The following ST6GALNAC1 variants were observed in gnomAD, a reference collection of about 807,000 sequenced individuals.
The protein encoded by ST6GALNAC1 is ST6 N-acetylgalactosaminide alpha-2,6-sialyltransferase 1.
A neutral mutation model predicts 56.8 loss-of-function variants in ST6GALNAC1; 45 were observed. The ratio of observed to expected loss-of-function variants is 0.79; its 90% CI spans 0.62 to 1.02. The LOEUF (loss-of-function observed/expected upper bound fraction) is 1.02. Ranked by LOEUF, ST6GALNAC1 falls within the 50% of genes least tolerant of loss-of-function variation. The pLI is 0.00. For synonymous variants in ST6GALNAC1, 295 were observed against 297.8 expected, an observed-to-expected ratio of 0.99 and a Z score of 0.10; for missense variants, 743 against 754.8, an observed-to-expected ratio of 0.98 and a Z score of 0.18.
the ST6GALNAC1 span, among the ~76,000 whole-genome samples, chr17:76,618,152 G>A: frequency 6.6e-6 from 1 of 152,194 alleles, no homozygotes; most frequent in Admixed American, 6.5e-5. Context: ...GTTCACAGAT[G>A]AAAAGCAGGT....
intron 1 of ST6GALNAC1, among the ~76,000 whole-genome samples, chr17:76,632,235 T>C (rs1478029632): frequency 6.6e-6 from 1 of 152,168 alleles, no homozygotes; most frequent in Non-Finnish European, 1.5e-5. Context: ...CAGAGAGGAA[T>C]TCTGCTGAAT....
At chr17:76,626,517 T>TCCTG in intron 5 of ST6GALNAC1, 125 bp from the exon 6 acceptor site, 2 of 1,507,986 alleles carry the variant, frequency 1.3e-6, no homozygotes, top group Non-Finnish European at 1.8e-6. Context: ...TCCTCCCCAC[T>TCCTG]CCTGCCCTTA....
At chr17:76,621,593 A>G (rs1056958310), downstream of ST6GALNAC1, among the ~76,000 whole-genome samples, 1 of 152,074 alleles carries the variant, frequency 6.6e-6, no homozygotes, top group African/African-American at 2.4e-5. Context: ...CTCCTGCCTC[A>G]GCCTCCCAAG....
At chr17:76,628,268 C>CTTCCTCCCTCCT in intron 2 of ST6GALNAC1, among the ~76,000 whole-genome samples, 1 of 37,528 alleles carries the variant, frequency 2.7e-5, no homozygotes, top group Admixed American at 3.6e-4. Context: ...CCCTCCCTCC[C>CTTCCTCCCTCCT]TCCTTCCTTC....
downstream of ST6GALNAC1, among the ~76,000 whole-genome samples, chr17:76,622,867 C>T (rs1331018958): frequency 1.3e-5 from 2 of 151,168 alleles, no homozygotes; most frequent in African/African-American, 4.9e-5. Flanking sequence ...GATCTCTGCT[C>T]ACTGCAACCT....
In ST6GALNAC1 at chr17:76,627,455, G is replaced by T; in HGVS notation, c.960C>A (p.His320Gln). 5.0e-6 allele frequency: 8 copies of T among 1,614,226 alleles called. No homozygotes were observed. The highest frequency in any genetic ancestry group is 5.9e-6 in the Non-Finnish European group (7 of 1,180,046). Residue 320 changes from histidine to glutamine, a missense_variant, in exon 3 of 9, where the codon CAC (histidine) becomes CAA (glutamine). Physicochemically the swap from His to Gln is conservative, Grantham distance 24. Transcript: ENST00000156626. This position sits in a 1 kb window ranked among gnomAD's most constrained non-coding sequence, Gnocchi z 4.4. ...CCATGAAGCCAAAGGGTGGTGCAAA[G>T]TGTTCCAGGCGGTCCCACTCACTCT... Reference protein sequence around the residue: ...FNQSEWDRLEHFAPPFGFMEL... With the variant: ...FNQSEWDRLEQFAPPFGFMEL...
chr17:76,621,279 T>C (rs527813761), downstream of ST6GALNAC1, among the ~76,000 whole-genome samples: 1 of 143,994 alleles, frequency 6.9e-6, no homozygotes, highest in Admixed American at 7.4e-5. Context: ...GCCTTTTGGG[T>C]TCAAGCAATT....
intron 1 of ST6GALNAC1, among the ~76,000 whole-genome samples, chr17:76,639,432 C>T (rs1025907699): frequency 9.9e-5 from 15 of 151,936 alleles, no homozygotes; most frequent in African/African-American, 1.7e-4. Context: ...AATAATTAGC[C>T]GAGCGTGGTG....
At chr17:76,617,493 CA>C in the ST6GALNAC1 span, among the ~76,000 whole-genome samples, 8 of 152,134 alleles carry the variant, frequency 5.3e-5, no homozygotes, top group East Asian at 1.5e-3. Flanking sequence ...CCTCCCCATG[CA>C]AAAGAAGGGA....
chr17:76,641,061 T>C (rs56247331), intron 1 of ST6GALNAC1, among the ~76,000 whole-genome samples: 29,408 of 152,194 alleles, frequency 0.19, 3,633 homozygotes, highest in African/African-American at 0.35. Flanking sequence ...TGCAGCTGTG[T>C]AGCTGCAAGG....
chr17:76,629,205 C>T lies in ST6GALNAC1; in HGVS notation c.638G>A (p.Arg213Lys). 1 of 1,614,122 alleles carries T rather than the reference C, an allele frequency of 6.2e-7. No homozygotes were observed. The highest frequency in any genetic ancestry group is 8.5e-7 in the Non-Finnish European group (1 of 1,180,024). The change falls in exon 2 of 9, where the codon AGG becomes AAG. Residue 213 changes from arginine to lysine, a missense_variant. Coordinates refer to ENST00000156626, the MANE Select transcript of ST6GALNAC1 (RefSeq NM_018414.5). ...MLAPTGAVSTRTRQKGVTTAV... is the reference protein window; with the variant it reads ...MLAPTGAVSTKTRQKGVTTAV... The stretch of plus-strand genomic sequence containing the variant: ...TGTGGTCACTCCTTTCTGTCTCGTC[C>T]TTGTTGACACTGCTCCTGTGGGAGC...
At chr17:76,622,416 G>A (rs142395418), downstream of ST6GALNAC1, among the ~76,000 whole-genome samples, 727 of 152,142 alleles carry the variant, frequency 4.8e-3, 10 homozygotes, top group African/African-American at 0.017. Flanking sequence ...CCAGGCTGGA[G>A]TGCAGTGGCG....
chr17:76,637,831 T>A, intron 1 of ST6GALNAC1: 1 of 396,566 alleles, frequency 2.5e-6, no homozygotes, highest in Non-Finnish European at 4.4e-6. Context: ...GAAAATAAAG[T>A]TCTGTTCTTT....
intron 2 of ST6GALNAC1, among the ~76,000 whole-genome samples, chr17:76,628,062 A>G (rs1310898830): frequency 1.4e-5 from 2 of 139,192 alleles, no homozygotes; most frequent in African/African-American, 2.7e-5. Flanking sequence ...GCGCCACTGC[A>G]CTCCAGCCTG....
intron 1 of ST6GALNAC1, among the ~76,000 whole-genome samples, chr17:76,631,414 A>C (rs1225291306): frequency 6.6e-6 from 1 of 152,196 alleles, no homozygotes; most frequent in Non-Finnish European, 1.5e-5. Flanking sequence ...TGGGCTTCAA[A>C]CCCTAATTCT....
intron 1 of ST6GALNAC1, chr17:76,641,977 C>T (rs1470662764): frequency 6.7e-6 from 1 of 148,912 alleles, no homozygotes; most frequent in Non-Finnish European, 1.5e-5. Flanking sequence ...TATATAAGCT[C>T]TCTTGTGCAT....
At chr17:76,620,201 C>G (rs1425795341), downstream of ST6GALNAC1, among the ~76,000 whole-genome samples, 1 of 151,354 alleles carries the variant, frequency 6.6e-6, no homozygotes, top group Non-Finnish European at 1.5e-5. Flanking sequence ...CCACCATGCC[C>G]AGCTAATTTT....
intron 5 of ST6GALNAC1, 122 bp from the exon 6 acceptor site, chr17:76,626,514 C>G: frequency 1.3e-6 from 2 of 1,502,896 alleles, no homozygotes; most frequent in East Asian, 2.3e-5. Context: ...CTGTCCTCCC[C>G]ACTCCTGCCC....
chr17:76,642,690 G>A (rs1454159150), intron 1 of ST6GALNAC1, among the ~76,000 whole-genome samples: 2 of 152,172 alleles, frequency 1.3e-5, no homozygotes, highest in East Asian at 3.9e-4. Flanking sequence ...CAGCGCTTTG[G>A]GAGGCCGAGG....
Sources: allele counts gnomAD v4.1 joint callset (sites outside exome capture counted in the v4.1 genomes callset), GRCh38; gene constraint gnomAD v4.1.1; non-coding constraint Gnocchi (gnomAD v3.1); transcripts MANE v1.5; gene names NCBI Gene and HGNC (gene_info 2026-07-23, HGNC 2026-07-21).